The following CCSER1 variants were observed in gnomAD, a reference collection of about 807,000 sequenced individuals.
CCSER1 encodes serine-rich coiled-coil domain-containing protein 1.
A neutral mutation model predicts 82.0 loss-of-function variants in CCSER1; 41 were observed. The ratio of observed to expected loss-of-function variants is 0.50; its 90% CI spans 0.39 to 0.65. The LOEUF is 0.65. Among genes scored for constraint, CCSER1 ranks in the 30% least tolerant of loss-of-function variants. The pLI, the probability that CCSER1 is intolerant of heterozygous loss-of-function variation, is 0.00. For synonymous variants in CCSER1, 414 were observed against 383.9 expected (o/e 1.08, Z -0.92); for missense variants, 1,119 against 1,064.2 (o/e 1.05, Z -0.72).
At chr4:90,139,216 G>A (rs183155750) in intron 1 of CCSER1, among the ~76,000 whole-genome samples, 320 of 152,272 alleles carry the variant, frequency 2.1e-3, no homozygotes, top group Non-Finnish European at 3.6e-3. Context: ...TTACATAAAA[G>A]ATATCCTGTC....
At chr4:90,404,079 G>A (rs1753339061) in intron 4 of CCSER1, 1 of 152,260 alleles carries the variant, frequency 6.6e-6, no homozygotes, top group Non-Finnish European at 1.5e-5. Context: ...CTCAGTTCTG[G>A]TCACTGGCTG....
chr4:91,321,321 G>A (rs1407665041), intron 10 of CCSER1, among the ~76,000 whole-genome samples: 3 of 152,000 alleles, frequency 2.0e-5, no homozygotes, highest in African/African-American at 7.2e-5. Context: ...GACCTATAAT[G>A]TGAAATCACT....
intron 9 of CCSER1, among the ~76,000 whole-genome samples, chr4:90,986,231 C>T (rs991431715): frequency 1.3e-5 from 2 of 151,658 alleles, no homozygotes; most frequent in Non-Finnish European, 3.0e-5. Context: ...GTCCTGCTTT[C>T]TGTCTTTTTC....
chr4:90,629,677 A>G lies in CCSER1; in HGVS notation c.1932+1445A>G, dbSNP rs142069707. Among the ~76,000 whole-genome samples, 520 of 152,262 alleles carry G rather than the reference A, an allele frequency of 3.4e-3. 5 individuals are homozygous for G. Among genetic ancestry groups the G allele is most frequent in the African/African-American group, 0.012 (494 of 41,550 alleles). On this transcript the variant is annotated intron_variant, in intron 6 of 10. Transcript: ENST00000509176. The stretch of plus-strand genomic sequence containing the variant: ...GGAAGATACCTTCTCTGTGTCCCAT[A>G]CAGGTTATATCTCTAGGGCAGCCTT...
At chr4:90,603,469 G>C (rs1480556575) in intron 5 of CCSER1, among the ~76,000 whole-genome samples, 1 of 152,130 alleles carries the variant, frequency 6.6e-6, no homozygotes, top group Non-Finnish European at 1.5e-5. Context: ...ATATTTATTG[G>C]CACAATCTAG....
At chr4:90,506,304 A>AT (rs1307313512) in intron 5 of CCSER1, among the ~76,000 whole-genome samples, 3 of 152,156 alleles carry the variant, frequency 2.0e-5, no homozygotes, top group Non-Finnish European at 4.4e-5. Context: ...TTCAGAAAAT[A>AT]TTTTTTCATG....
At chr4:91,141,159 T>A (rs555667867) in intron 10 of CCSER1, among the ~76,000 whole-genome samples, 7 of 152,090 alleles carry the variant, frequency 4.6e-5, no homozygotes, top group Admixed American at 6.6e-5. Context: ...CATTCTTTTT[T>A]TTTTTTTTCT....
intron 5 of CCSER1, among the ~76,000 whole-genome samples, chr4:90,618,183 C>A (rs1721651989): frequency 6.6e-6 from 1 of 151,928 alleles, no homozygotes; most frequent in Non-Finnish European, 1.5e-5. Context: ...AAGTTGTAAT[C>A]TCAAAGTCAT....
chr4:91,046,302 A>G (rs1742480602), intron 9 of CCSER1, among the ~76,000 whole-genome samples: 2 of 152,078 alleles, frequency 1.3e-5, no homozygotes, highest in African/African-American at 4.8e-5. Flanking sequence ...GAGGTCTTCT[A>G]AGTGTAACAA....
At chr4:90,159,868 A>T (rs978195542) in intron 1 of CCSER1, among the ~76,000 whole-genome samples, 8 of 152,206 alleles carry the variant, frequency 5.3e-5, no homozygotes, top group African/African-American at 7.2e-5. Flanking sequence ...GCATTATGCC[A>T]AGCCATTTTT....
At chr4:91,116,970 C>T (rs904573200) in intron 10 of CCSER1, among the ~76,000 whole-genome samples, 30 of 151,932 alleles carry the variant, frequency 2.0e-4, no homozygotes, top group African/African-American at 6.3e-4. Flanking sequence ...TATTTGTTTG[C>T]TAGAAATAAA....
chr4:90,789,055 G>C (rs1455441107), intron 7 of CCSER1, among the ~76,000 whole-genome samples: 1 of 151,884 alleles, frequency 6.6e-6, no homozygotes, highest in Non-Finnish European at 1.5e-5. Context: ...CAACTATTCT[G>C]TTCACAAGTT....
chr4:91,247,891 A>AAAC (rs1172952925), intron 10 of CCSER1, among the ~76,000 whole-genome samples: 1 of 152,004 alleles, frequency 6.6e-6, no homozygotes, highest in African/African-American at 2.4e-5. Flanking sequence ...ACAGAAAACA[A>AAAC]AACAATAACA....
chr4:90,943,716 C>T lies in CCSER1; in HGVS notation c.2172+20269C>T, dbSNP rs1731866990. Among the ~76,000 whole-genome samples the T allele has an allele frequency of 2.3e-5, 3 of 131,874 alleles. No homozygotes were observed. The South Asian group carries it at 7.4e-4, about 33-fold the overall frequency. The allele number at this position is 131,874 out of a possible 152,430, so 86.5% of individuals were successfully genotyped here. ...TAGCTGGGACTACAAACATGAGCCA[C>T]TGTGCCAGGCTAATTTTTTTTTTTT... On this transcript the variant is annotated intron_variant, in intron 9 of 10. Coordinates refer to ENST00000509176, the MANE Select transcript of CCSER1 (RefSeq NM_001145065.2).
intron 10 of CCSER1, among the ~76,000 whole-genome samples, chr4:91,192,140 C>T (rs1381474791): frequency 6.6e-6 from 1 of 152,156 alleles, no homozygotes; most frequent in Non-Finnish European, 1.5e-5. Flanking sequence ...GAGACATTAT[C>T]TTTCTCTCCT....
intron 10 of CCSER1, among the ~76,000 whole-genome samples, chr4:91,524,831 G>T (rs1196710720): frequency 1.3e-5 from 2 of 152,086 alleles, no homozygotes; most frequent in African/African-American, 2.4e-5. Flanking sequence ...TGGTTATATT[G>T]TCTTCGTAAT....
At position 90,970,661 on chromosome 4, in the gene CCSER1, C is replaced by T. The variant is rs1454735817; in HGVS notation, c.2172+47214C>T. On this transcript the variant is annotated intron_variant, in intron 9 of 10. Coordinates refer to ENST00000509176, the MANE Select transcript of CCSER1 (RefSeq NM_001145065.2). ...ACATTTTTCTCAAGCACACCTATGA[C>T]ATCTTTCAAGATAGATTATATGTTT... 1.3e-5 allele frequency among the ~76,000 whole-genome samples: 2 copies of T among 151,950 alleles called. 1 individual carries two copies. The highest frequency in any genetic ancestry group is 4.8e-5 in the African/African-American group (2 of 41,330).
chr4:91,480,411 C>G (rs1757847728), intron 10 of CCSER1, among the ~76,000 whole-genome samples: 2 of 152,272 alleles, frequency 1.3e-5, no homozygotes. Flanking sequence ...CCTGTTGTTT[C>G]CTGACATTTT....
intron 6 of CCSER1, among the ~76,000 whole-genome samples, chr4:90,660,160 T>C (rs553285409): frequency 2.6e-4 from 40 of 152,162 alleles, no homozygotes; most frequent in Non-Finnish European, 5.6e-4. Flanking sequence ...TACCATTTGA[T>C]CTAACCATTT....
Sources: allele counts gnomAD v4.1 joint callset (sites outside exome capture counted in the v4.1 genomes callset), GRCh38; gene constraint gnomAD v4.1.1; transcripts MANE v1.5; gene names NCBI Gene and HGNC (gene_info 2026-07-23, HGNC 2026-07-21).